The following KCNH7 variants were observed in gnomAD, a reference collection of about 807,000 sequenced individuals.
The protein encoded by KCNH7 is voltage-gated inwardly rectifying potassium channel KCNH7.
Under a neutral mutation model 120.8 loss-of-function variants are expected in KCNH7, and 49 were observed. The ratio of observed to expected loss-of-function variants is 0.41; its 90% confidence interval spans 0.32 to 0.51. KCNH7 has a LOEUF of 0.51. KCNH7 is among the 20% of genes least tolerant of loss of function. The pLI is 0.38. For synonymous variants in KCNH7, 547 were observed against 516.1 expected, an observed-to-expected ratio of 1.06 and a Z score of -0.81; for missense variants, 1,097 against 1,446.6, an observed-to-expected ratio of 0.76 and a Z score of 3.92.
intron 2 of KCNH7, among the ~76,000 whole-genome samples, chr2:162,734,084 T>G (rs912313758): frequency 6.0e-5 from 9 of 149,406 alleles, no homozygotes; most frequent in African/African-American, 9.8e-5. Flanking sequence ...AAAATTTATG[T>G]TTTTTTTTTC....
intron 2 of KCNH7, among the ~76,000 whole-genome samples, chr2:162,681,847 ATTAC>A (rs996396237): frequency 2.7e-5 from 4 of 148,896 alleles, no homozygotes; most frequent in African/African-American, 9.9e-5. Flanking sequence ...GAATCCTTCT[ATTAC>A]TTAACTTTCC....
chr2:162,538,121 T>A (rs1692173644), intron 2 of KCNH7: 1 of 152,134 alleles, frequency 6.6e-6, no homozygotes, highest in South Asian at 2.1e-4. Context: ...TTTACAAGCT[T>A]GTCCAACCCC....
chr2:162,388,703 T>C (rs1027521788), intron 12 of KCNH7, among the ~76,000 whole-genome samples: 3 of 151,942 alleles, frequency 2.0e-5, no homozygotes, highest in Non-Finnish European at 4.4e-5. Flanking sequence ...TATCACTGAA[T>C]ACATTTACCC....
At chr2:162,652,971 G>T (rs1490823541) in intron 2 of KCNH7, among the ~76,000 whole-genome samples, 1 of 152,128 alleles carries the variant, frequency 6.6e-6, no homozygotes, top group African/African-American at 2.4e-5. Flanking sequence ...CCATTGAGCG[G>T]TAAGGCCTTA....
intron 2 of KCNH7, among the ~76,000 whole-genome samples, chr2:162,570,181 C>A (rs1291872457): frequency 6.7e-6 from 1 of 149,184 alleles, no homozygotes; most frequent in Non-Finnish European, 1.5e-5. Context: ...CTTTGTAGGT[C>A]TCTCAGGACT....
Position 162,617,586 on chromosome 2 carries a change from A to T in KCNH7, c.308-80506T>A, listed in dbSNP as rs1409169770. ...GAGGAATAATGGGTGACACAGAAAA[A>T]CACAAAAACAGTTATATATATAAAG... On this transcript the variant is annotated intron_variant, in intron 2 of 15. Coordinates refer to ENST00000332142, the MANE Select transcript of KCNH7 (RefSeq NM_033272.4). Among the ~76,000 whole-genome samples the T allele has an allele frequency of 4.6e-5, 7 of 152,200 alleles. No individual in the cohort carries two copies. In the East Asian group the frequency reaches 5.8e-4, roughly 13 times the overall value.
intron 2 of KCNH7, among the ~76,000 whole-genome samples, chr2:162,635,866 C>T (rs1365294019): frequency 6.6e-6 from 1 of 152,020 alleles, no homozygotes; most frequent in East Asian, 1.9e-4. Context: ...GAGTTTTCAT[C>T]CACAAGCCAG....
At chr2:162,525,935 T>C (rs1170302189) in intron 3 of KCNH7, among the ~76,000 whole-genome samples, 1 of 151,710 alleles carries the variant, frequency 6.6e-6, no homozygotes, top group Non-Finnish European at 1.5e-5. Flanking sequence ...AATGAATAAA[T>C]AATGTATTTT....
intron 13 of KCNH7, among the ~76,000 whole-genome samples, 183 bp downstream of exon 13, chr2:162,384,505 C>A (rs1291475350): frequency 1.3e-5 from 2 of 151,932 alleles, no homozygotes; most frequent in Non-Finnish European, 1.5e-5. Flanking sequence ...GGAATAATTA[C>A]CACTTGTTTT....
At chr2:162,566,265 G>A (rs1334458373) in intron 2 of KCNH7, among the ~76,000 whole-genome samples, 1 of 151,930 alleles carries the variant, frequency 6.6e-6, no homozygotes, top group African/African-American at 2.4e-5. Context: ...CACTTACCTG[G>A]GCTTAACATC....
intron 2 of KCNH7, among the ~76,000 whole-genome samples, chr2:162,742,504 T>C (rs1271127558): frequency 1.3e-5 from 2 of 152,230 alleles, no homozygotes; most frequent in Non-Finnish European, 2.9e-5. Context: ...ACTTTTTATA[T>C]TTCATTCCTT....
intron 2 of KCNH7, among the ~76,000 whole-genome samples, chr2:162,616,518 C>G (rs1683146086): frequency 1.3e-5 from 2 of 152,170 alleles, no homozygotes. Context: ...CTTTGTTCCT[C>G]ATCTGTAGAG....
chr2:162,570,767 G>T (rs1693443109), intron 2 of KCNH7, among the ~76,000 whole-genome samples: 1 of 151,916 alleles, frequency 6.6e-6, no homozygotes, highest in African/African-American at 2.4e-5. Context: ...ATGTAATCCA[G>T]CATATAAACA....
rs1245731541 is a variant in KCNH7, at chr2:162,396,776, T to C, written c.2577A>G (p.Leu859=). Residue 859 remains leucine, a synonymous_variant, in exon 11 of 16, where the codon CTA becomes CTG. Coordinates refer to ENST00000332142, the MANE Select transcript of KCNH7 (RefSeq NM_033272.4). ...CATGCCTTAGGTTGAAAGTCAACTC[T>C]AGGTTTGTTAGAAAGTGATCAGAAA... is the stretch of plus-strand genomic sequence containing the variant. ...PEFSDHFLTN[L]ELTFNLRHES... The C allele has an allele frequency of 6.2e-7, 1 of 1,611,466 alleles. No homozygotes were observed. The highest frequency in any genetic ancestry group is 8.5e-7 in the Non-Finnish European group (1 of 1,178,574).
At chr2:162,391,150 G>T (rs1001399969) in intron 12 of KCNH7, among the ~76,000 whole-genome samples, 2 of 151,980 alleles carry the variant, frequency 1.3e-5, no homozygotes, top group Non-Finnish European at 1.5e-5. Flanking sequence ...ACTCTTGAAT[G>T]CCTGCCTTCA....
chr2:162,542,122 G>A, intron 2 of KCNH7, among the ~76,000 whole-genome samples: 1 of 151,236 alleles, frequency 6.6e-6, no homozygotes, highest in East Asian at 1.9e-4. Flanking sequence ...TGACTGAAGA[G>A]ACAAAAGCAC....
chr2:162,560,369 G>C (rs191795109), intron 2 of KCNH7, among the ~76,000 whole-genome samples: 1 of 152,134 alleles, frequency 6.6e-6, no homozygotes, highest in South Asian at 2.1e-4. Flanking sequence ...CATCGGAACA[G>C]GAGCAAAAGT....
At chr2:162,393,143 G>T (rs1270402229) in intron 12 of KCNH7, among the ~76,000 whole-genome samples, 2 of 151,928 alleles carry the variant, frequency 1.3e-5, no homozygotes, top group Admixed American at 6.6e-5. Context: ...GAGAAGGTTG[G>T]CTCCAAGATA....
At chr2:162,656,936 A>C (rs1191690179) in intron 2 of KCNH7, among the ~76,000 whole-genome samples, 1 of 152,206 alleles carries the variant, frequency 6.6e-6, no homozygotes, top group Non-Finnish European at 1.5e-5. Flanking sequence ...TTTAGAAAGC[A>C]TGTCTCCTTT....
Sources: gnomAD v4.1 joint callset for allele counts (sites outside exome capture counted in the v4.1 genomes callset) on GRCh38, gnomAD v4.1.1 for gene constraint, MANE v1.5 for transcripts, NCBI Gene and HGNC (gene_info 2026-07-23, HGNC 2026-07-21) for gene names.